RBM14: variants seen among roughly 807,000 people sequenced by gnomAD.
The protein encoded by RBM14 is RNA-binding protein 14.
RBM14 carries 5 observed loss-of-function variants against 52.8 expected under a neutral mutation model. The observed-to-expected ratio is 0.09, with a 90% CI of 0.05 to 0.20. The LOEUF (loss-of-function observed/expected upper bound fraction) is 0.20, where lower values mean the gene tolerates loss of function less well. RBM14 is among the 10% of genes least tolerant of loss of function. The probability of loss-of-function intolerance (pLI) is 1.00; values close to 1 mark genes in which losing one functional copy is unlikely to be tolerated. For synonymous variants in RBM14, 411 were observed against 401.8 expected (o/e 1.02, Z -0.28); for missense variants, 780 against 926.6 (o/e 0.84, Z 2.05).
chr11:66,624,661 G>A lies in RBM14; in HGVS notation c.785G>A (p.Arg262Gln), dbSNP rs1476178139. The A allele has an allele frequency of 1.9e-6, 3 of 1,613,398 alleles. No individual in the cohort carries two copies. Among genetic ancestry groups the A allele is most frequent in the South Asian group, 1.1e-5 (1 of 91,082 alleles). ...QPSASLGVGY[R>Q]TQPMTAQAAS... ...TCTGCCTCTTTGGGTGTTGGCTATC[G>A]GACTCAGCCCATGACAGCCCAGGCA... Residue 262 changes from arginine (R) to glutamine (Q), a missense_variant, in exon 2 of 3, where the codon CGG (arginine) becomes CAG (glutamine). Physicochemically the swap from Arg to Gln is conservative, Grantham distance 43. Transcript: ENST00000310137. The surrounding 1 kb of genome is among the most constrained non-coding windows in gnomAD (Gnocchi z 4.7).
chr11:66,621,341 A>G (rs577162120), intron 1 of RBM14, among the ~76,000 whole-genome samples: 3 of 152,104 alleles, frequency 2.0e-5, no homozygotes, highest in Admixed American at 6.5e-5. Flanking sequence ...GGCTCTGGCC[A>G]TGGGAGTGTT....
chr11:66,618,684 G>A, intron 1 of RBM14: 1 of 634,814 alleles, frequency 1.6e-6, no homozygotes, highest in Non-Finnish European at 2.9e-6. Flanking sequence ...GTGTTTAATT[G>A]ACTTACCAAG....
chr11:66,625,298 C>T lies in RBM14; in HGVS notation c.1422C>T (p.Tyr474=), dbSNP rs141425284. The change falls in exon 2 of 3, where the codon TAC becomes TAT. Residue 474 remains tyrosine (Y), a synonymous_variant. Coordinates refer to ENST00000310137, the MANE Select transcript of RBM14 (RefSeq NM_006328.4). The surrounding 1 kb of genome is among the most constrained non-coding windows in gnomAD (Gnocchi z 4.2). ...TTGTGCAGACCCAGCTGAATAGTTA[C>T]GGGGCCCAAGCATCAATGGGCCTTT... ...QPVVQTQLNS[Y]GAQASMGLSG... The T allele has an allele frequency of 3.5e-4, 563 of 1,612,446 alleles. No individual in the cohort carries two copies. The highest frequency in any genetic ancestry group is 4.1e-4 in the Non-Finnish European group (483 of 1,179,452).
rs1179388901 is a variant in RBM14 at position 66,623,660 on chromosome 11, G to A, written c.338-554G>A. 2.0e-5 allele frequency among the ~76,000 whole-genome samples: 3 copies of A among 152,192 alleles called. No individual in the cohort carries two copies. The East Asian group carries it at 5.8e-4, about 29-fold the overall frequency. ...GGGAAGTACTGTGAAAAAGCGGAGA[G>A]ATCATATTGGAATGTTGTGAACTGC... is the stretch of plus-strand genomic sequence containing the variant. On this transcript the variant is annotated intron_variant, in intron 1 of 2. Coordinates refer to ENST00000310137, the MANE Select transcript of RBM14 (RefSeq NM_006328.4).
intron 1 of RBM14, among the ~76,000 whole-genome samples, chr11:66,622,851 A>G (rs905841789): frequency 1.3e-5 from 2 of 152,208 alleles, no homozygotes; most frequent in African/African-American, 4.8e-5. Context: ...CTGATGTGAC[A>G]GATAGCATCC....
chr11:66,623,993 G>A, intron 1 of RBM14: 1 of 802,680 alleles, frequency 1.2e-6, no homozygotes, highest in Non-Finnish European at 2.2e-6. Flanking sequence ...TTTGTAAAGG[G>A]GAGAATGGGA....
intron 1 of RBM14, among the ~76,000 whole-genome samples, chr11:66,617,819 CTGCGTAGTCTTTACA>C (rs1858910803): frequency 6.6e-6 from 1 of 152,228 alleles, no homozygotes; most frequent in Admixed American, 6.5e-5. Flanking sequence ...AAGTCCCCTT[CTGCGTAGTCTTTACA>C]TGCCAAGCCA....
Position 66,625,946 on chromosome 11 carries a change from A to C in RBM14, c.1802+268A>C, listed in dbSNP as rs989905188. On this transcript the variant is annotated intron_variant, in intron 2 of 2. Coordinates refer to ENST00000310137, the MANE Select transcript of RBM14 (RefSeq NM_006328.4). This position sits in a 1 kb window ranked among gnomAD's most constrained non-coding sequence, Gnocchi z 4.2. ...TCTAGGCTAGCCCAAGTGTCATTGG[A>C]GCTACTGCCTGCAGGACTGTGGCCC... Among the ~76,000 whole-genome samples, 6 of 152,146 alleles carry C rather than the reference A, an allele frequency of 3.9e-5. No individual in the cohort carries two copies. Among genetic ancestry groups the C allele is most frequent in the African/African-American group, 1.4e-4 (6 of 41,432 alleles).
At chr11:66,618,864 G>C (rs1250140861) in intron 1 of RBM14, among the ~76,000 whole-genome samples, 1 of 152,174 alleles carries the variant, frequency 6.6e-6, no homozygotes, top group Admixed American at 6.5e-5. Flanking sequence ...TGACGATGCG[G>C]GTGAAGTGCA....
rs1254883888 is a variant in RBM14 at position 66,629,565 on chromosome 11, C to G, written c.*2897C>G. Among the ~76,000 whole-genome samples the G allele has an allele frequency of 1.3e-5, 2 of 152,080 alleles. No individual in the cohort carries two copies. Among genetic ancestry groups the G allele is most frequent in the African/African-American group, 4.8e-5 (2 of 41,402 alleles). ...CTCCAGGCATATTGTCCTATTAAGC[C>G]AAATAGGTGGACATCATGGGATGGA... On this transcript the variant is annotated 3_prime_UTR_variant, in exon 3 of 3. Coordinates refer to ENST00000310137, the MANE Select transcript of RBM14 (RefSeq NM_006328.4).
At position 66,624,015 on chromosome 11, in the gene RBM14, G is replaced by A. The variant is rs1937665438; in HGVS notation, c.338-199G>A. 1 of 911,998 alleles carries A rather than the reference G, an allele frequency of 1.1e-6. No homozygotes were observed. The highest frequency in any genetic ancestry group is 1.6e-5 in the African/African-American group (1 of 60,776). The allele number at this position is 911,998 out of a possible 1,614,324, so 56.5% of individuals were successfully genotyped here. On this transcript the variant is annotated intron_variant, in intron 1 of 2. Transcript: ENST00000310137. The surrounding 1 kb of genome is among the most constrained non-coding windows in gnomAD (Gnocchi z 4.7). ...AGGGGAGAATGGGAAGAAGGCTGTA[G>A]GCAAAGATGACTGCTTGGGACAGTC...
In RBM14 at chr11:66,624,155, C is replaced by G; in HGVS notation, c.338-59C>G. On this transcript the variant is annotated intron_variant, in intron 1 of 2. Transcript: ENST00000310137. The surrounding 1 kb of genome is among the most constrained non-coding windows in gnomAD (Gnocchi z 4.7). ...TGCTGTTGTGTGTCCAATTTGGGAC[C>G]CATCAGGTAGCATGCCCTGCCCCCC... 6.5e-7 allele frequency: 1 copy of G among 1,539,754 alleles called. No homozygotes were observed. Among genetic ancestry groups the G allele is most frequent in the Non-Finnish European group, 8.8e-7 (1 of 1,142,158 alleles).
Position 66,628,164 on chromosome 11 carries a change from C to A in RBM14, c.*1496C>A, listed in dbSNP as rs139964180. Among the ~76,000 whole-genome samples the A allele has an allele frequency of 6.6e-6, 1 of 151,850 alleles. No homozygotes were observed. Among genetic ancestry groups the A allele is most frequent in the Non-Finnish European group, 1.5e-5 (1 of 67,984 alleles). ...GTGCTTTTATTGTAGGGCTGGGGAT[C>A]GAGGATCTGGGCAAAAAATATGACA... On this transcript the variant is annotated 3_prime_UTR_variant, in exon 3 of 3. Coordinates refer to ENST00000310137, the MANE Select transcript of RBM14 (RefSeq NM_006328.4).
At chr11:66,619,552 T>TG (rs1859001247) in intron 1 of RBM14, 1 of 152,024 alleles carries the variant, frequency 6.6e-6, no homozygotes, top group Non-Finnish European at 1.5e-5. Flanking sequence ...AGTTTCAAGT[T>TG]TAAGATTTTT....
intron 1 of RBM14, chr11:66,618,664 TGA>T (rs1302405558): frequency 1.5e-6 from 1 of 663,730 alleles, no homozygotes; most frequent in Non-Finnish European, 2.8e-6. Context: ...GTCTCATTTG[TGA>T]GAGTTTTGTG....
chr11:66,626,714 G>A lies in RBM14; in HGVS notation c.*46G>A, dbSNP rs759784127. 17 of 1,509,674 alleles carry A rather than the reference G, an allele frequency of 1.1e-5. No homozygotes were observed. Among genetic ancestry groups the A allele is most frequent in the Non-Finnish European group, 1.5e-5 (17 of 1,117,436 alleles). 93.5% of individuals were successfully genotyped at this position (1,509,674 alleles called of 1,614,324 possible). On this transcript the variant is annotated 3_prime_UTR_variant, in exon 3 of 3. Coordinates refer to ENST00000310137, the MANE Select transcript of RBM14 (RefSeq NM_006328.4). ...CCACAGGGAGGGAGGGAGAAAAGAG[G>A]TGGGTAGGGTTACAGATCCAGGTTA...
In RBM14 at chr11:66,625,436, A is replaced by G. The variant is rs763212767; in HGVS notation, c.1560A>G (p.Ser520=). ...TGGCAGCTCCTTACCGCACTCAGTC[A>G]TCAGCCTCATTGGCTGCTTCCTATG... The part of the protein sequence containing the change: ...ATLAAPYRTQ[S]SASLAASYAA... Residue 520 remains serine, a synonymous_variant, in exon 2 of 3, where the codon TCA becomes TCG. Transcript: ENST00000310137. The surrounding 1 kb of genome is among the most constrained non-coding windows in gnomAD (Gnocchi z 4.2). 10 of 1,613,600 alleles carry G rather than the reference A, an allele frequency of 6.2e-6. No individual in the cohort carries two copies. The South Asian group carries it at 1.1e-4, about 18-fold the overall frequency.
chr11:66,616,891 C>T lies in RBM14; in HGVS notation c.171C>T (p.Gly57=). The change falls in exon 1 of 3, where the codon GGC becomes GGT. Residue 57 remains glycine (G), a synonymous_variant. Coordinates refer to ENST00000310137, the MANE Select transcript of RBM14 (RefSeq NM_006328.4). The part of the protein sequence containing the change: ...GALRAIEALH[G]HELRPGRALV... ...TGCGCGCCATCGAAGCCCTGCACGG[C>T]CACGAGCTGCGGCCGGGGCGCGCGC... 3 of 1,611,812 alleles carry T rather than the reference C, an allele frequency of 1.9e-6. No individual in the cohort carries two copies. Among genetic ancestry groups the T allele is most frequent in the Non-Finnish European group, 2.5e-6 (3 of 1,179,190 alleles).
At chr11:66,619,922 TA>T (rs1280877431) in intron 1 of RBM14, among the ~76,000 whole-genome samples, 1 of 152,276 alleles carries the variant, frequency 6.6e-6, no homozygotes, top group Non-Finnish European at 1.5e-5. Flanking sequence ...TGGATTCACT[TA>T]ACTTTGTTAC....
Sources: allele counts gnomAD v4.1 joint callset (sites outside exome capture counted in the v4.1 genomes callset), GRCh38; gene constraint gnomAD v4.1.1; non-coding constraint Gnocchi (gnomAD v3.1); transcripts MANE v1.5; gene names NCBI Gene and HGNC (gene_info 2026-07-23, HGNC 2026-07-21).